GANC: variants seen among roughly 807,000 people sequenced by gnomAD.
GANC encodes the protein glucosidase alpha, neutral C.
In GANC, 117 loss-of-function variants were observed where a neutral mutation model predicts 124.2. That is an observed-to-expected ratio of 0.94 (90% confidence interval 0.81 to 1.10). GANC has a LOEUF of 1.10. GANC is among the 50% of genes least tolerant of loss of function. The probability of loss-of-function intolerance (pLI) is 0.00; values close to 1 mark genes in which losing one functional copy is unlikely to be tolerated. For synonymous variants in GANC, 377 were observed against 376.8 expected (o/e 1.00, Z -0.01); for missense variants, 1,140 against 1,095.0 (o/e 1.04, Z -0.58).
intron 11 of GANC, among the ~76,000 whole-genome samples, chr15:42,324,623 G>A (rs1238416180): frequency 1.3e-5 from 2 of 152,114 alleles, no homozygotes; most frequent in Non-Finnish European, 2.9e-5. Flanking sequence ...CCTTTAAAAC[G>A]AAGGAAATTC....
At chr15:42,336,245 G>A (rs537859745) in intron 15 of GANC, among the ~76,000 whole-genome samples, 27 of 152,038 alleles carry the variant, frequency 1.8e-4, no homozygotes, top group African/African-American at 5.8e-4. Context: ...CTACAAGGCT[G>A]CAGTAACCAA....
intron 5 of GANC, among the ~76,000 whole-genome samples, chr15:42,294,140 C>G (rs1295451248): frequency 2.0e-5 from 3 of 151,626 alleles, no homozygotes; most frequent in Non-Finnish European, 2.9e-5. Context: ...TCTTTCCTAT[C>G]TAAGTTGATC....
At chr15:42,346,997 A>G (rs190490380) in intron 20 of GANC, among the ~76,000 whole-genome samples, 30 of 152,296 alleles carry the variant, frequency 2.0e-4, no homozygotes, top group Non-Finnish European at 3.5e-4. Flanking sequence ...GAACTTAACA[A>G]TTATCTACTC....
chr15:42,297,888 A>C lies in GANC; in HGVS notation c.558+232A>C, dbSNP rs189307123. On this transcript the variant is annotated intron_variant, in intron 6 of 23. Coordinates refer to ENST00000318010, the MANE Select transcript of GANC (RefSeq NM_198141.3). ...AAAAACAGATGCTTCCTGAGTGCCT[A>C]CTTTTTGCCAGGCATTATTGCTAGG... is the stretch of plus-strand genomic sequence containing the variant. Among the ~76,000 whole-genome samples, 7 of 152,240 alleles carry C rather than the reference A, an allele frequency of 4.6e-5. No individual in the cohort carries two copies. In the South Asian group the frequency reaches 1.2e-3, roughly 27 times the overall value.
chr15:42,351,245 A>G, intron 22 of GANC, 84 bp from the exon 23 acceptor site: 1 of 873,758 alleles, frequency 1.1e-6, no homozygotes, highest in South Asian at 1.4e-5. Flanking sequence ...ATGGGAGAGG[A>G]ACTCACAAGG....
At chr15:42,291,465 T>C (rs1274436661) in intron 4 of GANC, among the ~76,000 whole-genome samples, 1 of 152,234 alleles carries the variant, frequency 6.6e-6, no homozygotes, top group Non-Finnish European at 1.5e-5. Context: ...ATTTGTTTCA[T>C]GCAACCAGCT....
At chr15:42,284,844 C>G (rs1247521664) in intron 3 of GANC, among the ~76,000 whole-genome samples, 1 of 152,164 alleles carries the variant, frequency 6.6e-6, no homozygotes, top group Non-Finnish European at 1.5e-5. Flanking sequence ...CACATGCTCT[C>G]TCACCTCATT....
chr15:42,335,386 G>A (rs2052276171), intron 15 of GANC, among the ~76,000 whole-genome samples: 1 of 152,132 alleles, frequency 6.6e-6, no homozygotes, highest in Non-Finnish European at 1.5e-5. Context: ...CTCAATAGAT[G>A]CAGAAAAAGC....
chr15:42,310,759 T>C lies in GANC; in HGVS notation c.970T>C (p.Trp324Arg). 1.2e-6 allele frequency: 2 copies of C among 1,614,166 alleles called. No individual in the cohort carries two copies. The highest frequency in any genetic ancestry group is 1.7e-6 in the Non-Finnish European group (2 of 1,180,000). Residue 324 changes from tryptophan to arginine, a missense_variant, in exon 10 of 24, where the codon TGG becomes CGG. By Grantham distance (101) the Trp-to-Arg change is moderately radical. Coordinates refer to ENST00000318010, the MANE Select transcript of GANC (RefSeq NM_198141.3). Reference sequence around the variant, plus strand: ...GGTCAGATCTCGCACTCATGTGCACTGGATGTCAGAGAGTGGCATCATTGA... The same window carrying C: ...GGTCAGATCTCGCACTCATGTGCACCGGATGTCAGAGAGTGGCATCATTGA... ...QKVRSRTHVHWMSESGIIDVF... is the reference protein window; with the variant it reads ...QKVRSRTHVHRMSESGIIDVF...
intron 2 of GANC, among the ~76,000 whole-genome samples, chr15:42,276,748 C>A (rs1379164952): frequency 6.6e-6 from 1 of 152,184 alleles, no homozygotes. Flanking sequence ...CCCTTCTACC[C>A]ATTCCTCATC....
intron 16 of GANC, among the ~76,000 whole-genome samples, chr15:42,338,951 T>G (rs2052305071): frequency 6.6e-6 from 1 of 152,140 alleles, no homozygotes; most frequent in Non-Finnish European, 1.5e-5. Flanking sequence ...GAAAGATGAA[T>G]TTAGTTAAAA....
intron 17 of GANC, among the ~76,000 whole-genome samples, 173 bp downstream of exon 17, chr15:42,340,085 G>A (rs2052318343): frequency 6.6e-6 from 1 of 152,214 alleles, no homozygotes. Context: ...GGTGCTGGCT[G>A]TTGGGGACAC....
intron 6 of GANC, among the ~76,000 whole-genome samples, chr15:42,299,142 A>G (rs4293347): frequency 0.92 from 140,043 of 152,228 alleles, 65,481 homozygotes; most frequent in Non-Finnish European, 1. Flanking sequence ...GTCTTGTGCC[A>G]GTTTTCAAAG....
chr15:42,332,785 G>A (rs1184250460), intron 15 of GANC, among the ~76,000 whole-genome samples: 2 of 151,004 alleles, frequency 1.3e-5, no homozygotes, highest in Non-Finnish European at 2.9e-5. Flanking sequence ...AGGCCGAGGC[G>A]GGTGGATCAC....
chr15:42,322,697 A>G (rs978963515), intron 11 of GANC, among the ~76,000 whole-genome samples: 3 of 152,168 alleles, frequency 2.0e-5, no homozygotes, highest in African/African-American at 7.2e-5. Context: ...TTTTTCCTGC[A>G]TGCTTCCCTG....
rs1157907553 is a variant in GANC, at chr15:42,329,242, T to C, written c.1501-64T>C. ...CATAATTTTTAAAATGAGGTAGCAATGGTGACAGCTATTATATAGACATCA... is the reference window on the plus strand; with the variant it reads ...CATAATTTTTAAAATGAGGTAGCAACGGTGACAGCTATTATATAGACATCA... On this transcript the variant is annotated intron_variant, in intron 13 of 23. Transcript: ENST00000318010. The C allele has an allele frequency of 1.1e-5, 17 of 1,486,150 alleles. No individual in the cohort carries two copies. The Admixed American group carries it at 3.7e-4, about 32-fold the overall frequency. 92.1% of individuals were successfully genotyped at this position (1,486,150 alleles called of 1,614,324 possible).
chr15:42,322,502 G>C (rs1481479128), intron 11 of GANC, among the ~76,000 whole-genome samples: 1 of 152,146 alleles, frequency 6.6e-6, no homozygotes, highest in Non-Finnish European at 1.5e-5. Flanking sequence ...GACAGGGCAA[G>C]GGCTCTTGCA....
chr15:42,326,203 TA>T (rs2052197153), intron 11 of GANC, 94 bp from the exon 12 acceptor site: 1 of 822,284 alleles, frequency 1.2e-6, no homozygotes. Context: ...TAGTTGTTTG[TA>T]AAAATTGAAC....
At chr15:42,349,343 A>C (rs556064106) in intron 21 of GANC, 40 bp from the exon 22 acceptor site, 2 of 1,213,614 alleles carry the variant, frequency 1.6e-6, no homozygotes, top group Non-Finnish European at 2.4e-6. Flanking sequence ...CTGTAAAGCT[A>C]TCATATAAGC....
Sources: allele counts gnomAD v4.1 joint callset (sites outside exome capture counted in the v4.1 genomes callset), GRCh38; gene constraint gnomAD v4.1.1; transcripts MANE v1.5; gene names NCBI Gene and HGNC (gene_info 2026-07-23, HGNC 2026-07-21).